The following UNK variants were observed in gnomAD, a reference collection of about 807,000 sequenced individuals.
The protein encoded by UNK is RING finger protein unkempt homolog.
Under a neutral mutation model 97.6 loss-of-function variants are expected in UNK, and 32 were observed. That is an observed-to-expected ratio of 0.33 (90% CI 0.25 to 0.44). UNK has a LOEUF of 0.44. Ranked by LOEUF, UNK falls within the 20% of genes least tolerant of loss-of-function variation. UNK has a pLI of 1.00. For synonymous variants in UNK, 441 were observed against 461.2 expected (o/e 0.96, Z 0.56); for missense variants, 771 against 1,098.4 (o/e 0.70, Z 4.21).
chr17:75,814,048 C>T (rs1304104621), intron 6 of UNK, among the ~76,000 whole-genome samples, 170 bp downstream of exon 6: 1 of 152,164 alleles, frequency 6.6e-6, no homozygotes, highest in Non-Finnish European at 1.5e-5. Flanking sequence ...CTGAATTTGG[C>T]ATCTTCTCCT....
At position 75,817,523 on chromosome 17, in the gene UNK, C is replaced by T; in HGVS notation, c.1302C>T (p.Cys434=). The T allele has an allele frequency of 6.2e-7, 1 of 1,606,216 alleles. No individual in the cohort carries two copies. The highest frequency in any genetic ancestry group is 8.5e-7 in the Non-Finnish European group (1 of 1,175,604). ...VGAEYLKNFK[C]QAKLKPHSLE... ...CCGAGTACCTGAAAAATTTCAAATG[C>T]CAGGTAAGGGATGAGGGAGGCAGCA... The change falls in exon 9 of 16, where the codon TGC becomes TGT. Residue 434 remains cysteine (C), a synonymous_variant. Coordinates refer to ENST00000589666, the MANE Select transcript of UNK (RefSeq NM_001080419.3). The surrounding 1 kb of genome is among the most constrained non-coding windows in gnomAD (Gnocchi z 5.8).
At position 75,784,895 on chromosome 17, in the gene UNK, C is replaced by A. The variant is rs886477754; in HGVS notation, c.15C>A (p.Pro5=). Residue 5 remains proline (P), a synonymous_variant, in exon 1 of 16, where the codon CCC becomes CCA. Coordinates refer to ENST00000589666, the MANE Select transcript of UNK (RefSeq NM_001080419.3). ...AAGACAAGACCATGTCGAAGGGCCC[C>A]GGGCCCGGCGGCTCCGCAGCTTCCT... MSKG[P]GPGGSAASSA... 1.3e-6 allele frequency: 2 copies of A among 1,581,342 alleles called. No homozygotes were observed. The highest frequency in any genetic ancestry group is 3.8e-5 in the Admixed American group (2 of 52,242).
intron 1 of UNK, chr17:75,792,334 GT>G: frequency 2.0e-6 from 2 of 985,200 alleles, no homozygotes; most frequent in Non-Finnish European, 2.4e-6. Context: ...ACTAAAGGAG[GT>G]TTTCCCACTA....
At position 75,816,370 on chromosome 17, in the gene UNK, G is replaced by A. The variant is rs932537631; in HGVS notation, c.962-400G>A. 1.3e-5 allele frequency among the ~76,000 whole-genome samples: 2 copies of A among 152,162 alleles called. No individual in the cohort carries two copies. The highest frequency in any genetic ancestry group is 4.8e-5 in the African/African-American group (2 of 41,418). On this transcript the variant is annotated intron_variant, in intron 7 of 15. Coordinates refer to ENST00000589666, the MANE Select transcript of UNK (RefSeq NM_001080419.3). The surrounding 1 kb of genome is among the most constrained non-coding windows in gnomAD (Gnocchi z 4.0). ...TATTCTTGATGCAGAGGTGGTCCCCGGCCATGGGCATTGGGACCGCCTGGC... is the reference window on the plus strand; with the variant it reads ...TATTCTTGATGCAGAGGTGGTCCCCAGCCATGGGCATTGGGACCGCCTGGC...
chr17:75,812,458 G>A lies in UNK; in HGVS notation c.495G>A (p.Glu165=), dbSNP rs1472260937. The A allele has an allele frequency of 6.2e-7, 1 of 1,610,972 alleles. No homozygotes were observed. Among genetic ancestry groups the A allele is most frequent in the East Asian group, 2.2e-5 (1 of 44,856 alleles). The change falls in exon 4 of 16, where the codon GAG becomes GAA. Residue 165 remains glutamate (E), a synonymous_variant. Transcript: ENST00000589666. ...CTGTTCTTTCCTCTCCTCCCAGGGA[G>A]CTTCAGGCCATGGAGGCCTTGCAGA... The part of the protein sequence containing the change: ...DLRSPVYDIR[E]LQAMEALQNG...
chr17:75,786,273 T>G (rs1337572797), intron 1 of UNK, among the ~76,000 whole-genome samples: 1 of 152,230 alleles, frequency 6.6e-6, no homozygotes, highest in Non-Finnish European at 1.5e-5. Context: ...AGACTACTGA[T>G]GAGTTGAATG....
At position 75,818,635 on chromosome 17, in the gene UNK, G is replaced by A. The variant is rs757418455; in HGVS notation, c.1372-7G>A. 36 of 1,583,592 alleles carry A rather than the reference G, an allele frequency of 2.3e-5. No individual in the cohort carries two copies. The highest frequency in any genetic ancestry group is 5.3e-5 in the Admixed American group (3 of 56,104). Reference sequence around the variant, plus strand: ...CATTGCTTCTCCTCTTCCCTCTCTCGTTGCAGGACATGCTGGGCATCCTCC... The same window carrying A: ...CATTGCTTCTCCTCTTCCCTCTCTCATTGCAGGACATGCTGGGCATCCTCC... On this transcript the variant is annotated splice_region_variant and splice_polypyrimidine_tract_variant and intron_variant, in intron 10 of 15. Transcript: ENST00000589666. This position sits in a 1 kb window ranked among gnomAD's most constrained non-coding sequence, Gnocchi z 5.1.
chr17:75,786,077 T>C (rs1433553670), intron 1 of UNK, among the ~76,000 whole-genome samples: 1 of 152,210 alleles, frequency 6.6e-6, no homozygotes, highest in African/African-American at 2.4e-5. Flanking sequence ...GAACATTGGT[T>C]ATAGGAAGTG....
At chr17:75,820,453 T>C (rs1217238942) in intron 13 of UNK, among the ~76,000 whole-genome samples, 1 of 152,100 alleles carries the variant, frequency 6.6e-6, no homozygotes, top group African/African-American at 2.4e-5. Flanking sequence ...TTTCACAGCA[T>C]GGTTCTGTTC....
At chr17:75,801,105 A>G (rs2061853454) in intron 1 of UNK, among the ~76,000 whole-genome samples, 3 of 151,694 alleles carry the variant, frequency 2.0e-5, no homozygotes, top group East Asian at 2.0e-4. Flanking sequence ...GGGTTTCACC[A>G]TGTTAGCCAG....
chr17:75,793,851 T>C (rs978913091), intron 1 of UNK: 2 of 985,302 alleles, frequency 2.0e-6, no homozygotes, highest in Non-Finnish European at 1.2e-6. Context: ...ATAAGAGAAG[T>C]AGTTATGTTC....
rs901908090 is a variant in UNK, at chr17:75,818,420, T to G, written c.1372-222T>G. On this transcript the variant is annotated intron_variant, in intron 10 of 15. Transcript: ENST00000589666. This position sits in a 1 kb window ranked among gnomAD's most constrained non-coding sequence, Gnocchi z 5.1. The stretch of plus-strand genomic sequence containing the variant: ...GCCCTGTACTCGCTTCTCTCTTCCC[T>G]GCTACAGGACTGTAGGGGCGAATGG... Among the ~76,000 whole-genome samples, 3 of 152,158 alleles carry G rather than the reference T, an allele frequency of 2.0e-5. No homozygotes were observed. Among genetic ancestry groups the G allele is most frequent in the African/African-American group, 7.2e-5 (3 of 41,444 alleles).
chr17:75,787,433 T>G (rs2061722708), intron 1 of UNK, among the ~76,000 whole-genome samples: 3 of 151,840 alleles, frequency 2.0e-5, no homozygotes, highest in Non-Finnish European at 2.9e-5. Flanking sequence ...CTCGAACTCC[T>G]GTGATCGAGC....
rs114466255 is a variant in UNK at position 75,819,088 on chromosome 17, A to G, written c.1546+272A>G. On this transcript the variant is annotated intron_variant, in intron 11 of 15. Transcript: ENST00000589666. The surrounding 1 kb of genome is among the most constrained non-coding windows in gnomAD (Gnocchi z 5.4). ...AGTCTCACCCCAAGACGTGTTGTTC[A>G]GTCCCCACTCATCTCACTGGTGTCC... is the stretch of plus-strand genomic sequence containing the variant. 1,523 of 396,606 alleles carry G rather than the reference A, an allele frequency of 3.8e-3. 20 individuals carry two copies. Among genetic ancestry groups the G allele is most frequent in the African/African-American group, 0.03 (1,440 of 48,244 alleles). 24.6% of individuals were successfully genotyped at this position (396,606 alleles called of 1,614,324 possible).
At chr17:75,796,048 T>A (rs544581673) in intron 1 of UNK, among the ~76,000 whole-genome samples, 74 of 152,282 alleles carry the variant, frequency 4.9e-4, no homozygotes, top group Admixed American at 1.8e-3. Flanking sequence ...CCAGGTGCGG[T>A]AGGGAGTTTC....
chr17:75,799,098 G>T (rs1165001812), intron 1 of UNK, among the ~76,000 whole-genome samples: 2 of 151,724 alleles, frequency 1.3e-5, no homozygotes, highest in African/African-American at 4.8e-5. Context: ...GTTGCTGGAG[G>T]TCAGGAGTTT....
At chr17:75,811,047 G>T (rs1296210501) in intron 2 of UNK, among the ~76,000 whole-genome samples, 1 of 151,964 alleles carries the variant, frequency 6.6e-6, no homozygotes, top group African/African-American at 2.4e-5. Context: ...CCACCTCTCG[G>T]GTTCAAGCAG....
intron 2 of UNK, 34 bp from the exon 3 acceptor site, chr17:75,812,078 G>A: frequency 6.4e-7 from 1 of 1,554,996 alleles, no homozygotes; most frequent in African/African-American, 1.4e-5. Context: ...GCTGCAGGCA[G>A]CAAAGTTGAG....
intron 1 of UNK, chr17:75,793,984 G>C: frequency 1.0e-6 from 1 of 985,346 alleles, no homozygotes; most frequent in Non-Finnish European, 1.2e-6. Flanking sequence ...CGTTTCTGAT[G>C]TCACTTTTAC....
Sources: allele counts gnomAD v4.1 joint callset (sites outside exome capture counted in the v4.1 genomes callset), GRCh38; gene constraint gnomAD v4.1.1; non-coding constraint Gnocchi (gnomAD v3.1); transcripts MANE v1.5; gene names NCBI Gene and HGNC (gene_info 2026-07-23, HGNC 2026-07-21).